The following BRWD1 variants were observed in gnomAD, a reference collection of about 807,000 sequenced individuals.
BRWD1 encodes bromodomain and WD repeat domain containing 1, also known as bromodomain and WD repeat-containing protein 1.
In BRWD1, 82 loss-of-function variants were observed where a neutral mutation model predicts 251.2. That is an observed-to-expected ratio of 0.33 (90% CI 0.27 to 0.39). The LOEUF is 0.39. Among genes scored for constraint, BRWD1 ranks in the 10% least tolerant of loss-of-function variants. BRWD1 has a pLI of 1.00. For missense variants in BRWD1, 2,233 were observed against 2,711.6 expected (o/e 0.82, Z 3.92); for synonymous variants, 918 against 902.8 (o/e 1.02, Z -0.30).
chr21:39,294,093 AATACC>A, intron 7 of BRWD1, 61 bp from the exon 8 acceptor site: 3 of 1,357,072 alleles, frequency 2.2e-6, no homozygotes, highest in Non-Finnish European at 3.1e-6. Context: ...ATATTAAAAG[AATACC>A]TTTTATATGC....
chr21:39,281,921 CGTAT>C (rs1568948278), intron 8 of BRWD1, among the ~76,000 whole-genome samples: 6 of 73,504 alleles, frequency 8.2e-5, no homozygotes, highest in African/African-American at 1.5e-4. Flanking sequence ...TATATATATA[CGTAT>C]ACATACATAT....
chr21:39,270,541 T>C, intron 13 of BRWD1, 108 bp from the exon 14 acceptor site: 1 of 923,914 alleles, frequency 1.1e-6, no homozygotes, highest in Non-Finnish European at 1.6e-6. Context: ...TGTGCCTATC[T>C]TATCAACCCT....
chr21:39,194,161 AAAT>A lies in BRWD1; in HGVS notation c.*2095_*2097del. On this transcript the variant is annotated 3_prime_UTR_variant, in exon 41 of 41. Transcript: ENST00000342449. ...AGTCAATGACCAATTAATGCAGTCC[AAAT>A]AATCAGAATAGTTCTATTAATGAAG... 2 of 984,976 alleles carry A rather than the reference AAAT, an allele frequency of 2.0e-6. No homozygotes were observed. The highest frequency in any genetic ancestry group is 2.4e-6 in the Non-Finnish European group (2 of 829,494). The allele number at this position is 984,976 out of a possible 1,614,324, so 61.0% of individuals were successfully genotyped here.
upstream of BRWD1, chr21:39,317,179 G>A (rs1449074603): frequency 6.6e-6 from 1 of 152,206 alleles, no homozygotes; most frequent in Non-Finnish European, 1.5e-5. Context: ...ACTCCTTAGT[G>A]GGTACCCACC....
At chr21:39,287,079 G>GT (rs1555875318) in intron 8 of BRWD1, among the ~76,000 whole-genome samples, 1 of 152,114 alleles carries the variant, frequency 6.6e-6, no homozygotes, top group African/African-American at 2.4e-5. Flanking sequence ...TCCTTAGTGT[G>GT]TATCTCCTAA....
intron 21 of BRWD1, among the ~76,000 whole-genome samples, chr21:39,243,771 A>G (rs1350713528): frequency 6.6e-6 from 1 of 152,166 alleles, no homozygotes; most frequent in Non-Finnish European, 1.5e-5. Flanking sequence ...TAATTATATC[A>G]CTTGTTTTTG....
intron 4 of BRWD1, among the ~76,000 whole-genome samples, chr21:39,300,132 G>A (rs2036069469): frequency 6.6e-6 from 1 of 152,148 alleles, no homozygotes; most frequent in East Asian, 1.9e-4. Flanking sequence ...TGACTGATTA[G>A]AATCCTAAGG....
At chr21:39,286,981 T>C (rs1176950925) in intron 8 of BRWD1, among the ~76,000 whole-genome samples, 2 of 152,170 alleles carry the variant, frequency 1.3e-5, no homozygotes, top group Non-Finnish European at 2.9e-5. Flanking sequence ...TGGTTAATAG[T>C]TTGCAACACT....
chr21:39,235,571 G>C (rs1364796150), intron 23 of BRWD1: 1 of 212,646 alleles, frequency 4.7e-6, no homozygotes, highest in Admixed American at 4.3e-5. Context: ...GAAGATCTGT[G>C]AATGTTTCTT....
intron 32 of BRWD1, among the ~76,000 whole-genome samples, chr21:39,214,241 G>A (rs886144199): frequency 6.6e-6 from 1 of 152,126 alleles, no homozygotes; most frequent in African/African-American, 2.4e-5. Context: ...GAGCAGACTA[G>A]AACCTGGGTC....
At chr21:39,200,137 C>T (rs1334583105) in intron 39 of BRWD1, 82 bp downstream of exon 39, 18 of 1,240,682 alleles carry the variant, frequency 1.5e-5, no homozygotes, top group Non-Finnish European at 1.9e-5. Flanking sequence ...TACGTAGATG[C>T]ATTAAATCGA....
Position 39,196,481 on chromosome 21 carries a change from AGCT to A in BRWD1, c.6585_6587del (p.Ala2196del). ...GACGTCTCACAGTTTTAGATATGTT[AGCT>A]GTAAAAGTTTTACCTTTTCTAACTA... On this transcript the variant is annotated inframe_deletion, in exon 41 of 41. Coordinates refer to ENST00000342449, the MANE Select transcript of BRWD1 (RefSeq NM_033656.4). The A allele has an allele frequency of 6.2e-7, 1 of 1,613,126 alleles. No homozygotes were observed. The highest frequency in any genetic ancestry group is 1.1e-5 in the South Asian group (1 of 90,884).
At chr21:39,274,298 A>AGAGAGC in intron 13 of BRWD1, 76 bp downstream of exon 13, 2 of 1,028,434 alleles carry the variant, frequency 1.9e-6, no homozygotes, top group Non-Finnish European at 2.9e-6. Flanking sequence ...TGAGAGACAC[A>AGAGAGC]GAGAGCGAGA....
In BRWD1 at chr21:39,189,811, A is replaced by C. The variant is rs1227967162; in HGVS notation, c.*6448T>G. 1.9e-5 allele frequency: 19 copies of C among 985,236 alleles called. No homozygotes were observed. The highest frequency in any genetic ancestry group is 2.2e-5 in the Non-Finnish European group (18 of 829,896). The allele number at this position is 985,236 out of a possible 1,614,324, so 61.0% of individuals were successfully genotyped here. On this transcript the variant is annotated 3_prime_UTR_variant, in exon 41 of 41. Transcript: ENST00000342449. ...ATAGGATATTTCAGGGTTAGAAGTC[A>C]AATTTGTGTGTTAGGGTACAAGCTT...
intron 38 of BRWD1, among the ~76,000 whole-genome samples, chr21:39,201,664 T>C (rs2032115344): frequency 6.6e-6 from 1 of 152,246 alleles, no homozygotes; most frequent in Non-Finnish European, 1.5e-5. Flanking sequence ...AATGTATCCC[T>C]TAAAACACTG....
chr21:39,187,268 T>A lies in BRWD1; in HGVS notation c.*8991A>T. On this transcript the variant is annotated 3_prime_UTR_variant, in exon 41 of 41. Coordinates refer to ENST00000342449, the MANE Select transcript of BRWD1 (RefSeq NM_033656.4). ...TTTAGATTACTCATTATCTTTATTT[T>A]ATTTGCAGCAACAGTAGCACATCTG... The A allele has an allele frequency of 6.2e-7, 1 of 1,614,000 alleles. No individual in the cohort carries two copies. Among genetic ancestry groups the A allele is most frequent in the East Asian group, 2.2e-5 (1 of 44,864 alleles).
chr21:39,266,135 G>C (rs1229567731), intron 15 of BRWD1, among the ~76,000 whole-genome samples: 2 of 152,070 alleles, frequency 1.3e-5, no homozygotes, highest in Non-Finnish European at 2.9e-5. Context: ...CCACGCCCAA[G>C]TAAGTCACTG....
intron 12 of BRWD1, among the ~76,000 whole-genome samples, chr21:39,275,686 A>C (rs894752508): frequency 2.6e-5 from 4 of 152,346 alleles, no homozygotes; most frequent in African/African-American, 9.6e-5. Context: ...TATATATTAA[A>C]ACACCACAGT....
intron 19 of BRWD1, among the ~76,000 whole-genome samples, chr21:39,252,572 A>G (rs1307543365): frequency 6.6e-6 from 1 of 152,230 alleles, no homozygotes; most frequent in African/African-American, 2.4e-5. Context: ...AATGATCACC[A>G]CATCTCAATC....
Sources: gnomAD v4.1 joint callset for allele counts (sites outside exome capture counted in the v4.1 genomes callset) on GRCh38, gnomAD v4.1.1 for gene constraint, MANE v1.5 for transcripts, NCBI Gene and HGNC (gene_info 2026-07-23, HGNC 2026-07-21) for gene names.